NBAS: variants seen among roughly 807,000 people sequenced by gnomAD.
The protein encoded by NBAS is NAG/BC035112 fusion.
In NBAS, 219 loss-of-function variants were observed where a neutral mutation model predicts 302.5. The ratio of observed to expected loss-of-function variants is 0.72; its 90% confidence interval spans 0.65 to 0.81. The LOEUF (loss-of-function observed/expected upper bound fraction) is 0.81, where lower values mean the gene tolerates loss of function less well. Ranked by LOEUF, NBAS falls within the 30% of genes least tolerant of loss-of-function variation. The probability of loss-of-function intolerance (pLI) is 0.00; values close to 1 mark genes in which losing one functional copy is unlikely to be tolerated. For synonymous variants in NBAS, 1,118 were observed against 1,021.6 expected, an observed-to-expected ratio of 1.09 and a Z score of -1.80; for missense variants, 2,932 against 2,841.6, an observed-to-expected ratio of 1.03 and a Z score of -0.72.
chr2:15,491,999 C>T (rs1480840815), intron 11 of NBAS, among the ~76,000 whole-genome samples: 1 of 152,160 alleles, frequency 6.6e-6, no homozygotes, highest in Non-Finnish European at 1.5e-5. Context: ...TTCCCACTTG[C>T]TTTCATATGG....
intron 1 of NBAS, among the ~76,000 whole-genome samples, chr2:15,559,774 G>T (rs1236644393): frequency 6.6e-6 from 1 of 152,154 alleles, no homozygotes; most frequent in Non-Finnish European, 1.5e-5. Flanking sequence ...TTCAAAGTAA[G>T]TTAATTCTGT....
At chr2:14,903,982 T>C in the NBAS span, among the ~76,000 whole-genome samples, 50 of 152,146 alleles carry the variant, frequency 3.3e-4, no homozygotes, top group Non-Finnish European at 6.9e-4. Flanking sequence ...TCGAGCGCCC[T>C]CCATAGGCTA....
rs750213892 is a variant in NBAS at position 15,275,637 on chromosome 2, A to G, written c.5571T>C (p.Thr1857=). 1 of 1,614,228 alleles carries G rather than the reference A, an allele frequency of 6.2e-7. No homozygotes were observed. The highest frequency in any genetic ancestry group is 8.5e-7 in the Non-Finnish European group (1 of 1,180,034). ...CTTGTTTAATGAGATGAGGGTCTCCAGTCCAGAACAACTTCTGTAACCAGA... is the reference window on the plus strand; with the variant it reads ...CTTGTTTAATGAGATGAGGGTCTCCGGTCCAGAACAACTTCTGTAACCAGA... The part of the protein sequence containing the change: ...YTIWLQKLFW[T]GDPHLIKQVP... The change falls in exon 44 of 52, where the codon ACT becomes ACC. Residue 1857 remains threonine (T), a synonymous_variant. Coordinates refer to ENST00000281513, the MANE Select transcript of NBAS (RefSeq NM_015909.4).
chr2:15,553,644 C>A lies in NBAS; in HGVS notation c.288-171G>T, dbSNP rs556249254. On this transcript the variant is annotated intron_variant, in intron 4 of 51. Transcript: ENST00000281513. ...AGATGAGGATACAGGTACAAAAGCA[C>A]ACAAAATGATTTAATACAGCATGAA... is the stretch of plus-strand genomic sequence containing the variant. Among the ~76,000 whole-genome samples, 12 of 152,294 alleles carry A rather than the reference C, an allele frequency of 7.9e-5. 1 individual carries two copies. The South Asian group carries it at 1.5e-3, about 18-fold the overall frequency.
At chr2:14,788,500 G>A in the NBAS span, among the ~76,000 whole-genome samples, 2 of 151,870 alleles carry the variant, frequency 1.3e-5, no homozygotes, top group East Asian at 3.9e-4. Flanking sequence ...TGGGTTTTTG[G>A]TGTGGATGTC....
the NBAS span, among the ~76,000 whole-genome samples, chr2:15,136,593 G>A: frequency 6.6e-6 from 1 of 152,192 alleles, no homozygotes; most frequent in South Asian, 2.1e-4. Context: ...ATATGTTGAA[G>A]TCCTTACCCC....
At chr2:14,905,594 ATGCCGATGACCTATTTATC>A in the NBAS span, among the ~76,000 whole-genome samples, 3 of 152,178 alleles carry the variant, frequency 2.0e-5, no homozygotes, top group Admixed American at 1.3e-4. Context: ...GATCTGTCAA[ATGCCGATGACCTATTTATC>A]TGCCTCCTTC....
At chr2:14,805,393 T>C in the NBAS span, among the ~76,000 whole-genome samples, 1 of 152,124 alleles carries the variant, frequency 6.6e-6, no homozygotes, top group African/African-American at 2.4e-5. Context: ...GGCAAGATCA[T>C]GCGAGGCATT....
At chr2:14,997,768 C>T in the NBAS span, among the ~76,000 whole-genome samples, 1 of 152,192 alleles carries the variant, frequency 6.6e-6, no homozygotes, top group Non-Finnish European at 1.5e-5. Context: ...AACATCTCCT[C>T]ATTTCCCCCA....
At chr2:15,187,024 A>G (rs1665122106) in intron 49 of NBAS, 144 bp from the exon 50 acceptor site, 3 of 1,221,826 alleles carry the variant, frequency 2.5e-6, no homozygotes, top group Non-Finnish European at 3.5e-6. Flanking sequence ...CCTTGTAGAA[A>G]AGATAACACC....
At chr2:15,349,687 T>G (rs1330345602) in intron 35 of NBAS, among the ~76,000 whole-genome samples, 1 of 152,148 alleles carries the variant, frequency 6.6e-6, no homozygotes, top group African/African-American at 2.4e-5. Flanking sequence ...GATGCAGTGG[T>G]TCACGCCTGT....
At chr2:15,042,395 G>C in the NBAS span, among the ~76,000 whole-genome samples, 2 of 137,138 alleles carry the variant, frequency 1.5e-5, no homozygotes, top group African/African-American at 5.6e-5. Context: ...ACAGAAGAAT[G>C]AAAATTGCTG....
intron 32 of NBAS, among the ~76,000 whole-genome samples, chr2:15,364,367 A>G (rs1037276116): frequency 5.9e-5 from 9 of 152,136 alleles, no homozygotes; most frequent in African/African-American, 1.9e-4. Context: ...CCCCGTTTCT[A>G]CTAAAAATAC....
the NBAS span, among the ~76,000 whole-genome samples, chr2:15,154,388 C>T: frequency 1.3e-5 from 2 of 152,234 alleles, no homozygotes; most frequent in Admixed American, 6.5e-5. Flanking sequence ...GTTTTCCCCT[C>T]GGTTTCATAG....
intron 25 of NBAS, among the ~76,000 whole-genome samples, chr2:15,413,189 T>C (rs1250979205): frequency 1.3e-5 from 2 of 152,368 alleles, no homozygotes; most frequent in Non-Finnish European, 2.9e-5. Context: ...TGTTCCCAAA[T>C]AAAATCTTTT....
chr2:15,145,401 ATGTGTGTGTGTG>A, the NBAS span, among the ~76,000 whole-genome samples: 1 of 148,114 alleles, frequency 6.8e-6, no homozygotes, highest in Non-Finnish European at 1.5e-5. Flanking sequence ...GTTTGTTTGT[ATGTGTGTGTGTG>A]TGTGTGTGTG....
the NBAS span, among the ~76,000 whole-genome samples, chr2:15,056,561 G>C: frequency 1.8e-3 from 269 of 152,264 alleles, 4 homozygotes; most frequent in African/African-American, 6.2e-3. Context: ...ATAATCATCT[G>C]TATTTTACCT....
chr2:15,307,241 G>C (rs771426643), intron 40 of NBAS, among the ~76,000 whole-genome samples: 1 of 152,192 alleles, frequency 6.6e-6, no homozygotes, highest in Non-Finnish European at 1.5e-5. Flanking sequence ...AATCTAAAAC[G>C]GGCTTTCCTA....
intron 50 of NBAS, among the ~76,000 whole-genome samples, chr2:15,180,772 T>C (rs1664781865): frequency 6.6e-6 from 1 of 152,242 alleles, no homozygotes; most frequent in African/African-American, 2.4e-5. Flanking sequence ...AAGGGTTTAA[T>C]AAGCCACATG....
Sources: allele counts gnomAD v4.1 joint callset (sites outside exome capture counted in the v4.1 genomes callset), GRCh38; gene constraint gnomAD v4.1.1; transcripts MANE v1.5; gene names NCBI Gene and HGNC (gene_info 2026-07-23, HGNC 2026-07-21).